Variants in UVRAG observed in about 807,000 individuals in gnomAD.
The protein encoded by UVRAG is UV radiation resistance-associated gene protein.
In UVRAG, 19 loss-of-function variants were observed where a neutral mutation model predicts 78.0. The ratio of observed to expected loss-of-function variants is 0.24; its 90% CI spans 0.17 to 0.36. UVRAG has a LOEUF of 0.36. UVRAG is among the 10% of genes least tolerant of loss of function. The pLI, the probability that UVRAG is intolerant of heterozygous loss-of-function variation, is 1.00. For synonymous variants in UVRAG, 323 were observed against 324.6 expected, an observed-to-expected ratio of 1.00 and a Z score of 0.05; for missense variants, 740 against 853.8, an observed-to-expected ratio of 0.87 and a Z score of 1.66.
At chr11:76,114,667 C>T (rs920688198) in intron 13 of UVRAG, among the ~76,000 whole-genome samples, 2 of 152,086 alleles carry the variant, frequency 1.3e-5, no homozygotes, top group East Asian at 1.9e-4. Flanking sequence ...TCTTAAAAAG[C>T]CCAGAATCAG....
chr11:76,112,821 G>A (rs1952102052), intron 13 of UVRAG, among the ~76,000 whole-genome samples: 2 of 151,334 alleles, frequency 1.3e-5, no homozygotes, highest in Non-Finnish European at 2.9e-5. Context: ...CAACCTCCCA[G>A]GCTCAAGCAA....
intron 13 of UVRAG, among the ~76,000 whole-genome samples, chr11:76,106,710 C>G (rs572012434): frequency 6.6e-6 from 1 of 152,082 alleles, no homozygotes; most frequent in African/African-American, 2.4e-5. Flanking sequence ...TAAGCTTTAG[C>G]TGTGAAGGGA....
At chr11:75,931,578 T>G (rs1172556056) in intron 6 of UVRAG, among the ~76,000 whole-genome samples, 1 of 152,210 alleles carries the variant, frequency 6.6e-6, no homozygotes, top group Non-Finnish European at 1.5e-5. Context: ...AAGTAAAAGT[T>G]CTCGTTCAAC....
chr11:75,842,567 G>A (rs552688297), intron 1 of UVRAG, among the ~76,000 whole-genome samples: 14 of 150,850 alleles, frequency 9.3e-5, no homozygotes, highest in East Asian at 7.9e-4. Flanking sequence ...TCAGCCTCCC[G>A]AGTACTTGGG....
chr11:76,033,135 T>C (rs1309445123), intron 12 of UVRAG, among the ~76,000 whole-genome samples: 2 of 152,212 alleles, frequency 1.3e-5, no homozygotes, highest in African/African-American at 4.8e-5. Flanking sequence ...AAAACTTGTA[T>C]ATTCTAAATT....
intron 14 of UVRAG, among the ~76,000 whole-genome samples, chr11:76,133,319 C>T (rs550363021): frequency 7.9e-5 from 12 of 152,218 alleles, no homozygotes; most frequent in African/African-American, 2.4e-4. Flanking sequence ...TGTTTCCTAA[C>T]GATGGAGCTA....
intron 8 of UVRAG, among the ~76,000 whole-genome samples, chr11:76,002,087 GT>G (rs1565113706): frequency 6.6e-6 from 1 of 152,094 alleles, no homozygotes; most frequent in African/African-American, 2.4e-5. Flanking sequence ...TAGTATTCAG[GT>G]TGGTAATATA....
intron 4 of UVRAG, among the ~76,000 whole-genome samples, chr11:75,884,981 T>C (rs1190467420): frequency 6.6e-6 from 1 of 151,786 alleles, no homozygotes; most frequent in East Asian, 1.9e-4. Context: ...AACTTCTTAA[T>C]AGTATTGAGT....
chr11:75,927,603 G>T (rs536261884), intron 6 of UVRAG, among the ~76,000 whole-genome samples: 52 of 152,292 alleles, frequency 3.4e-4, no homozygotes, highest in African/African-American at 1.1e-3. Context: ...AAATAAAGTA[G>T]TAGGAGGAGA....
chr11:76,101,889 G>A (rs1248779436), intron 13 of UVRAG, among the ~76,000 whole-genome samples: 1 of 152,118 alleles, frequency 6.6e-6, no homozygotes, highest in Non-Finnish European at 1.5e-5. Flanking sequence ...ACAGATGGTT[G>A]TACGTGTACA....
intron 3 of UVRAG, among the ~76,000 whole-genome samples, chr11:75,873,164 A>G (rs901224009): frequency 6.6e-6 from 1 of 152,214 alleles, no homozygotes; most frequent in African/African-American, 2.4e-5. Context: ...CCAGTAGTAA[A>G]AATGAGTAAA....
chr11:75,847,076 C>T (rs111597117), intron 1 of UVRAG, among the ~76,000 whole-genome samples: 11,463 of 152,120 alleles, frequency 0.075, 1,414 homozygotes, highest in African/African-American at 0.26. Context: ...CCACCCACCT[C>T]GGCCTCCCAA....
At chr11:75,865,566 C>A (rs1590949365) in intron 3 of UVRAG, among the ~76,000 whole-genome samples, 1 of 150,890 alleles carries the variant, frequency 6.6e-6, no homozygotes, top group African/African-American at 2.4e-5. Flanking sequence ...CCACATGAGG[C>A]TAGTAGATAT....
intron 8 of UVRAG, 103 bp downstream of exon 8, chr11:75,983,616 A>C (rs1949437326): frequency 7.3e-7 from 1 of 1,377,596 alleles, no homozygotes; most frequent in African/African-American, 1.5e-5. Context: ...AAATACAGTC[A>C]CACATCACTT....
At chr11:75,832,932 T>G (rs1945692218) in intron 1 of UVRAG, among the ~76,000 whole-genome samples, 1 of 152,214 alleles carries the variant, frequency 6.6e-6, no homozygotes, top group Admixed American at 6.5e-5. Flanking sequence ...TTTTAGGAGC[T>G]GTGTGCTAGA....
chr11:76,065,705 C>T lies in UVRAG; in HGVS notation c.1227-5C>T, dbSNP rs1230873454. 1 of 1,613,140 alleles carries T rather than the reference C, an allele frequency of 6.2e-7. No individual in the cohort carries two copies. Among genetic ancestry groups the T allele is most frequent in the Admixed American group, 1.7e-5 (1 of 59,910 alleles). ...AAATATCTGATCCTTTTTTACCTTT[C>T]TTAGGTTTCCACTGTATCCAAAAGG... On this transcript the variant is annotated splice_polypyrimidine_tract_variant and splice_region_variant and intron_variant, in intron 12 of 14. Transcript: ENST00000356136.
At chr11:76,008,890 G>A in intron 11 of UVRAG, 23 bp downstream of exon 11, 1 of 1,286,774 alleles carries the variant, frequency 7.8e-7, no homozygotes, top group Non-Finnish European at 1.1e-6. Flanking sequence ...TTATTTTGAA[G>A]ATTTGTTATA....
At chr11:75,877,589 T>G (rs1426581987) in intron 3 of UVRAG, among the ~76,000 whole-genome samples, 20 of 94,282 alleles carry the variant, frequency 2.1e-4, no homozygotes, top group South Asian at 1.7e-3. Context: ...CCCGTACGGG[T>G]CGGCTGGCCG....
chr11:75,830,094 C>T (rs1711630648), intron 1 of UVRAG, among the ~76,000 whole-genome samples: 1 of 152,158 alleles, frequency 6.6e-6, no homozygotes, highest in African/African-American at 2.4e-5. Flanking sequence ...CCTGCCTCGT[C>T]TTCCCAAAGT....
Sources: allele counts gnomAD v4.1 joint callset (sites outside exome capture counted in the v4.1 genomes callset), GRCh38; gene constraint gnomAD v4.1.1; transcripts MANE v1.5; gene names NCBI Gene and HGNC (gene_info 2026-07-23, HGNC 2026-07-21).